RBFOX1: variants seen among roughly 807,000 people sequenced by gnomAD.
The protein encoded by RBFOX1 is RNA binding fox-1 homolog 1.
Under a neutral mutation model 57.7 loss-of-function variants are expected in RBFOX1, and 8 were observed. The observed-to-expected ratio is 0.14, with a 90% confidence interval of 0.08 to 0.25. RBFOX1 has a LOEUF of 0.25. Ranked by LOEUF, RBFOX1 falls within the 10% of genes least tolerant of loss-of-function variation. RBFOX1 has a pLI of 1.00. For missense variants in RBFOX1, 611 were observed against 548.5 expected (o/e 1.11, Z -1.14); for synonymous variants, 326 against 222.4 (o/e 1.47, Z -4.15).
At chr16:5,857,424 C>A (rs2057100522) in intron 3 of RBFOX1, among the ~76,000 whole-genome samples, 1 of 151,972 alleles carries the variant, frequency 6.6e-6, no homozygotes, top group African/African-American at 2.4e-5. Context: ...GGGAAAATGG[C>A]ACTGATAGAC....
In RBFOX1 at chr16:5,654,886, A is replaced by C. The variant is rs116802942; in HGVS notation, c.318+55925A>C. Among the ~76,000 whole-genome samples, 1,157 of 151,870 alleles carry C rather than the reference A, an allele frequency of 7.6e-3. 14 individuals carry two copies. Among genetic ancestry groups the C allele is most frequent in the African/African-American group, 0.027 (1,117 of 41,350 alleles). On this transcript the variant is annotated intron_variant, in intron 3 of 19. Transcript: ENST00000641259. Reference sequence around the variant, plus strand: ...CCCTTTATTTGTAAGCAAGCAGGGGAATGAAAGGGATGAAATGCTCTCTTC... The same window carrying C: ...CCCTTTATTTGTAAGCAAGCAGGGGCATGAAAGGGATGAAATGCTCTCTTC...
chr16:6,513,803 C>G (rs1408586567), intron 2 of RBFOX1, among the ~76,000 whole-genome samples: 1 of 152,082 alleles, frequency 6.6e-6, no homozygotes, highest in Non-Finnish European at 1.5e-5. Context: ...GTTTCTGTGG[C>G]CACTGCAGAG....
intron 3 of RBFOX1, among the ~76,000 whole-genome samples, chr16:5,748,474 T>A (rs932380592): frequency 2.6e-5 from 4 of 152,128 alleles, no homozygotes; most frequent in African/African-American, 9.7e-5. Context: ...GACAGTGGGG[T>A]GTTAAAGTCT....
At chr16:5,832,536 C>G (rs1023208467) in intron 3 of RBFOX1, among the ~76,000 whole-genome samples, 5 of 152,196 alleles carry the variant, frequency 3.3e-5, no homozygotes, top group Non-Finnish European at 5.9e-5. Context: ...GCTTAGTTCA[C>G]AGCCTGGCAT....
chr16:5,532,369 A>G (rs902382660), intron 2 of RBFOX1, among the ~76,000 whole-genome samples: 1 of 152,180 alleles, frequency 6.6e-6, no homozygotes, highest in Admixed American at 6.5e-5. Context: ...TTTTGGCTCA[A>G]TGTGTAGAAT....
chr16:6,221,573 C>T (rs2097373592), intron 1 of RBFOX1, among the ~76,000 whole-genome samples: 1 of 152,128 alleles, frequency 6.6e-6, no homozygotes, highest in Non-Finnish European at 1.5e-5. Context: ...TGATCTTAAG[C>T]TAAATTAATG....
chr16:6,306,193 A>G (rs1005025184), intron 1 of RBFOX1, among the ~76,000 whole-genome samples: 5 of 152,134 alleles, frequency 3.3e-5, no homozygotes, highest in Admixed American at 2.0e-4. Context: ...CTGTATAGTT[A>G]TAGCTGAGAT....
At chr16:5,979,458 C>T (rs1487347590) in intron 4 of RBFOX1, among the ~76,000 whole-genome samples, 1 of 152,200 alleles carries the variant, frequency 6.6e-6, no homozygotes, top group African/African-American at 2.4e-5. Flanking sequence ...AGGGGCTTAA[C>T]ACCATAATAA....
At chr16:7,418,206 C>T (rs145809587) in intron 4 of RBFOX1, among the ~76,000 whole-genome samples, 1 of 152,312 alleles carries the variant, frequency 6.6e-6, no homozygotes, top group Non-Finnish European at 1.5e-5. Context: ...ACCCCAGAAG[C>T]CTCCATGCCC....
chr16:7,380,130 C>A (rs997508594), intron 4 of RBFOX1, among the ~76,000 whole-genome samples: 18 of 152,202 alleles, frequency 1.2e-4, no homozygotes, highest in African/African-American at 3.9e-4. Context: ...AACACTGAGA[C>A]TACAGGTGTG....
At chr16:6,143,038 A>G (rs1269092708) in intron 1 of RBFOX1, among the ~76,000 whole-genome samples, 2 of 152,164 alleles carry the variant, frequency 1.3e-5, no homozygotes, top group Non-Finnish European at 2.9e-5. Flanking sequence ...GATATTTAAT[A>G]TTTGTTAAGT....
At chr16:5,500,811 T>A (rs1402130687) in intron 2 of RBFOX1, among the ~76,000 whole-genome samples, 1 of 152,206 alleles carries the variant, frequency 6.6e-6, no homozygotes, top group South Asian at 2.1e-4. Flanking sequence ...CTAACTGGTC[T>A]CCCAGCTTTC....
chr16:6,710,867 C>G (rs966077859), intron 3 of RBFOX1, among the ~76,000 whole-genome samples: 1 of 152,206 alleles, frequency 6.6e-6, no homozygotes, highest in Non-Finnish European at 1.5e-5. Context: ...AGGAAAGGGA[C>G]AGGCTTCATT....
chr16:7,040,475 A>G (rs2045809793), intron 3 of RBFOX1, among the ~76,000 whole-genome samples: 2 of 152,222 alleles, frequency 1.3e-5, no homozygotes, highest in African/African-American at 2.4e-5. Flanking sequence ...GTATGAATTT[A>G]TAAAACTGAT....
intron 4 of RBFOX1, among the ~76,000 whole-genome samples, chr16:6,007,319 C>T (rs971281012): frequency 2.0e-5 from 3 of 152,222 alleles, no homozygotes; most frequent in Non-Finnish European, 4.4e-5. Flanking sequence ...CCAGCTACCA[C>T]ATCCTGAGCT....
chr16:7,705,254 C>T (rs756339154), intron 14 of RBFOX1, among the ~76,000 whole-genome samples: 1 of 152,088 alleles, frequency 6.6e-6, no homozygotes, highest in African/African-American at 2.4e-5. Flanking sequence ...TGCGTGTAAT[C>T]CCAGCACTTT....
At chr16:5,621,577 G>A (rs549736661) in intron 3 of RBFOX1, among the ~76,000 whole-genome samples, 27 of 152,238 alleles carry the variant, frequency 1.8e-4, no homozygotes, top group East Asian at 7.7e-4. Context: ...AGGCATCAGC[G>A]GGATTCAGTG....
intron 3 of RBFOX1, among the ~76,000 whole-genome samples, chr16:5,693,449 A>AAT (rs1370947717): frequency 6.6e-6 from 1 of 151,674 alleles, no homozygotes; most frequent in Non-Finnish European, 1.5e-5. Flanking sequence ...AAATGAGACC[A>AAT]ATTTTATTTT....
chr16:7,203,648 G>T (rs2089233307), intron 4 of RBFOX1, among the ~76,000 whole-genome samples: 1 of 152,216 alleles, frequency 6.6e-6, no homozygotes, highest in Non-Finnish European at 1.5e-5. Context: ...GCTTCTCACA[G>T]CTCAGATAGG....
Sources: gnomAD v4.1 joint callset for allele counts (sites outside exome capture counted in the v4.1 genomes callset) on GRCh38, gnomAD v4.1.1 for gene constraint, MANE v1.5 for transcripts, NCBI Gene and HGNC (gene_info 2026-07-23, HGNC 2026-07-21) for gene names.